Variants in GRM5 observed in about 807,000 individuals in gnomAD.
GRM5 encodes glutamate metabotropic receptor 5, also known as metabotropic glutamate receptor 5.
Under a neutral mutation model 83.1 loss-of-function variants are expected in GRM5, and 19 were observed. The observed-to-expected ratio is 0.23, with a 90% confidence interval of 0.16 to 0.34. The LOEUF is 0.34. Ranked by LOEUF, GRM5 falls within the 10% of genes least tolerant of loss-of-function variation. GRM5 has a pLI of 1.00. For missense variants in GRM5, 1,160 were observed against 1,588.3 expected (o/e 0.73, Z 4.58); for synonymous variants, 675 against 633.6 (o/e 1.07, Z -0.98).
At chr11:88,843,455 A>G (rs990246089) in intron 3 of GRM5, among the ~76,000 whole-genome samples, 21 of 152,200 alleles carry the variant, frequency 1.4e-4, no homozygotes, top group African/African-American at 4.8e-4. Context: ...GGGCATCACA[A>G]ACTGTGCCTA....
At chr11:88,717,588 C>T (rs1941425745) in intron 3 of GRM5, among the ~76,000 whole-genome samples, 1 of 151,846 alleles carries the variant, frequency 6.6e-6, no homozygotes, top group African/African-American at 2.4e-5. Flanking sequence ...AAACACATCA[C>T]TGAATTAGCT....
At position 88,715,807 on chromosome 11, in the gene GRM5, G is replaced by A. The variant is rs540075589; in HGVS notation, c.912-62404C>T. Reference sequence around the variant, plus strand: ...GAATTTGCTCAGTTTTATTTTCGGTGGAAAGAAGAATCCAATCAGTGCTTT... The same window carrying A: ...GAATTTGCTCAGTTTTATTTTCGGTAGAAAGAAGAATCCAATCAGTGCTTT... On this transcript the variant is annotated intron_variant, in intron 3 of 9. Transcript: ENST00000305447. Among the ~76,000 whole-genome samples the A allele has an allele frequency of 1.5e-3, 221 of 152,092 alleles. 3 individuals carry two copies. The highest frequency in any genetic ancestry group is 5.2e-3 in the African/African-American group (215 of 41,536).
chr11:89,028,399 A>G (rs1941181915), intron 2 of GRM5, among the ~76,000 whole-genome samples: 1 of 152,182 alleles, frequency 6.6e-6, no homozygotes, highest in South Asian at 2.1e-4. Flanking sequence ...CCTTTGCAAT[A>G]TAGTGAGACT....
chr11:88,997,674 G>A (rs908496057), intron 2 of GRM5, among the ~76,000 whole-genome samples: 5 of 151,810 alleles, frequency 3.3e-5, no homozygotes, highest in South Asian at 2.1e-4. Flanking sequence ...TACAAATAGC[G>A]CTACAAACAC....
At chr11:88,554,950 T>C (rs1942592164) in intron 8 of GRM5, among the ~76,000 whole-genome samples, 2 of 152,106 alleles carry the variant, frequency 1.3e-5, no homozygotes, top group Non-Finnish European at 2.9e-5. Context: ...AAACAAAAGT[T>C]TGAATATGGA....
intron 1 of GRM5, among the ~76,000 whole-genome samples, chr11:89,054,000 C>T (rs1232691671): frequency 6.6e-6 from 1 of 152,100 alleles, no homozygotes; most frequent in Non-Finnish European, 1.5e-5. Flanking sequence ...TGATGTTGAA[C>T]CTGTTTGGAC....
chr11:88,947,821 A>G (rs530882372), intron 2 of GRM5, among the ~76,000 whole-genome samples: 2 of 152,312 alleles, frequency 1.3e-5, no homozygotes, highest in African/African-American at 4.8e-5. Context: ...AAGTTCAAGA[A>G]GTCTTATCAT....
At chr11:88,780,965 CT>C (rs904089679) in intron 3 of GRM5, among the ~76,000 whole-genome samples, 29 of 150,806 alleles carry the variant, frequency 1.9e-4, no homozygotes, top group Admixed American at 1.4e-3. Flanking sequence ...TTAAACATGG[CT>C]TTTTTTTTCC....
chr11:88,597,436 T>C, intron 5 of GRM5, 84 bp from the exon 6 acceptor site: 1 of 695,906 alleles, frequency 1.4e-6, no homozygotes, highest in East Asian at 2.8e-5. Context: ...TTCCCAAAAA[T>C]GTGTCTATTG....
At chr11:88,854,958 T>C (rs1365640527) in intron 2 of GRM5, among the ~76,000 whole-genome samples, 2 of 151,840 alleles carry the variant, frequency 1.3e-5, no homozygotes, top group African/African-American at 4.8e-5. Flanking sequence ...CTGTGTTACA[T>C]TGGCCACTTT....
intron 3 of GRM5, among the ~76,000 whole-genome samples, chr11:88,826,861 T>G (rs1943903047): frequency 6.6e-6 from 1 of 152,198 alleles, no homozygotes; most frequent in African/African-American, 2.4e-5. Flanking sequence ...CTTTTTCAAT[T>G]GTTTTGCTAC....
intron 3 of GRM5, among the ~76,000 whole-genome samples, chr11:88,812,354 A>AT (rs1293271063): frequency 6.6e-6 from 1 of 152,178 alleles, no homozygotes; most frequent in Non-Finnish European, 1.5e-5. Context: ...TTATGTCTGA[A>AT]TAAGAATCTT....
At chr11:88,548,727 A>G (rs1320318677) in intron 8 of GRM5, among the ~76,000 whole-genome samples, 1 of 152,232 alleles carries the variant, frequency 6.6e-6, no homozygotes, top group African/African-American at 2.4e-5. Context: ...ATATATTTAA[A>G]AAGTATATTA....
At chr11:88,644,595 T>A (rs956275637) in intron 4 of GRM5, among the ~76,000 whole-genome samples, 1 of 152,186 alleles carries the variant, frequency 6.6e-6, no homozygotes, top group Non-Finnish European at 1.5e-5. Context: ...GATGGTATCA[T>A]TTTTCTTTCT....
In GRM5 at chr11:89,033,563, T is replaced by C. The variant is rs555383668; in HGVS notation, c.661+13649A>G. On this transcript the variant is annotated intron_variant, in intron 2 of 9. Coordinates refer to ENST00000305447, the MANE Select transcript of GRM5 (RefSeq NM_001143831.3). ...TTTTTGTGTTTCTAAAGGACATTTT[T>C]TTATCCAGCTAATGGCTCAAGTGTT... is the stretch of plus-strand genomic sequence containing the variant. Among the ~76,000 whole-genome samples the C allele has an allele frequency of 3.9e-5, 6 of 152,126 alleles. No homozygotes were observed. The East Asian group carries it at 1.2e-3, about 29-fold the overall frequency.
intron 2 of GRM5, among the ~76,000 whole-genome samples, chr11:89,032,048 T>A (rs938485526): frequency 2.6e-5 from 4 of 152,098 alleles, no homozygotes; most frequent in African/African-American, 9.6e-5. Context: ...ATACTATTAA[T>A]TTAATTTGCA....
At chr11:88,895,555 T>C (rs1464309487) in intron 2 of GRM5, among the ~76,000 whole-genome samples, 1 of 151,982 alleles carries the variant, frequency 6.6e-6, no homozygotes, top group Non-Finnish European at 1.5e-5. Context: ...AAAATATTTA[T>C]AAACTCTGAA....
intron 3 of GRM5, among the ~76,000 whole-genome samples, chr11:88,830,593 G>A (rs536770897): frequency 1.3e-5 from 2 of 152,190 alleles, no homozygotes; most frequent in East Asian, 3.9e-4. Flanking sequence ...GAGTAAGTGA[G>A]TGACCCCTAA....
At chr11:88,806,340 A>G (rs1295721867) in intron 3 of GRM5, among the ~76,000 whole-genome samples, 2 of 152,224 alleles carry the variant, frequency 1.3e-5, no homozygotes, top group Non-Finnish European at 2.9e-5. Flanking sequence ...TATTTGCAAG[A>G]ATTTATTAAA....
Sources: allele counts gnomAD v4.1 joint callset (sites outside exome capture counted in the v4.1 genomes callset), GRCh38; gene constraint gnomAD v4.1.1; transcripts MANE v1.5; gene names NCBI Gene and HGNC (gene_info 2026-07-23, HGNC 2026-07-21).